Variants in MCM9 observed in about 807,000 individuals in gnomAD.
MCM9 encodes DNA helicase MCM9.
In MCM9, 55 loss-of-function variants were observed where a neutral mutation model predicts 72.8. The ratio of observed to expected loss-of-function variants is 0.76; its 90% CI spans 0.61 to 0.95. The LOEUF (loss-of-function observed/expected upper bound fraction) is 0.95, where lower values mean the gene tolerates loss of function less well. Among genes scored for constraint, MCM9 ranks in the 40% least tolerant of loss-of-function variants. The pLI, the probability that MCM9 is intolerant of heterozygous loss-of-function variation, is 0.00. For missense variants in MCM9, 1,279 were observed against 1,377.0 expected (o/e 0.93, Z 1.13); for synonymous variants, 480 against 503.4 (o/e 0.95, Z 0.62).
intron 13 of MCM9, among the ~76,000 whole-genome samples, chr6:118,822,746 C>A (rs1209805125): frequency 1.3e-5 from 2 of 152,320 alleles, no homozygotes; most frequent in East Asian, 1.9e-4. Context: ...CCCCCAGGTG[C>A]TCTGTCCCAG....
chr6:118,826,385 C>A (rs1206891016), intron 12 of MCM9, 93 bp from the exon 13 acceptor site: 6 of 1,322,030 alleles, frequency 4.5e-6, no homozygotes, highest in Non-Finnish European at 6.1e-6. Flanking sequence ...GGGGCTAAGA[C>A]CGCCGTTTAC....
chr6:118,931,434 T>C lies in MCM9; in HGVS notation c.290A>G (p.His97Arg). ...PEAVSMKQNL[H>R]ARISGLPVCP... ...AAGTGATTTACCTGATATCCTGGCA[T>C]GAAGATTCTGTTTCATGGAAACAGC... Residue 97 changes from histidine to arginine, a missense_variant, in exon 3 of 14, where the codon CAT becomes CGT. Physicochemically the swap from His to Arg is conservative, Grantham distance 29. Transcript: ENST00000619706. 6.2e-7 allele frequency: 1 copy of C among 1,610,142 alleles called. No individual in the cohort carries two copies. Among genetic ancestry groups the C allele is most frequent in the Non-Finnish European group, 8.5e-7 (1 of 1,176,564 alleles).
chr6:118,846,181 T>C (rs980748088), intron 9 of MCM9, among the ~76,000 whole-genome samples: 3 of 151,946 alleles, frequency 2.0e-5, no homozygotes, highest in Non-Finnish European at 4.4e-5. Context: ...ATAGCCATAC[T>C]TCAACATATC....
At chr6:118,823,290 C>T (rs748934889) in intron 13 of MCM9, among the ~76,000 whole-genome samples, 15 of 152,148 alleles carry the variant, frequency 9.9e-5, no homozygotes, top group Admixed American at 2.0e-4. Context: ...ATGGGAAAAG[C>T]GTAGTATCCA....
chr6:118,858,075 C>A (rs1364315217), intron 8 of MCM9, among the ~76,000 whole-genome samples: 4 of 152,040 alleles, frequency 2.6e-5, no homozygotes, highest in Non-Finnish European at 1.5e-5. Context: ...TATAAGAAAC[C>A]TATAGACTAG....
chr6:118,840,175 T>A (rs1325686054), intron 9 of MCM9, among the ~76,000 whole-genome samples: 4 of 151,018 alleles, frequency 2.6e-5, no homozygotes, highest in African/African-American at 4.9e-5. Flanking sequence ...TGTTATTTTT[T>A]TTTTTTTCTC....
chr6:118,867,575 T>C (rs1191824341), intron 8 of MCM9, among the ~76,000 whole-genome samples: 1 of 152,196 alleles, frequency 6.6e-6, no homozygotes, highest in East Asian at 1.9e-4. Context: ...TATGTTTAGA[T>C]ACACAATTAC....
intron 8 of MCM9, among the ~76,000 whole-genome samples, chr6:118,869,599 C>CCAAAAAAAAA (rs776414465): frequency 3.4e-5 from 2 of 58,304 alleles, no homozygotes; most frequent in Non-Finnish European, 6.6e-5. Flanking sequence ...AAAGGATTTA[C>CCAAAAAAAAA]AAAAAAAAAA....
Position 118,847,436 on chromosome 6 carries a change from AAAAAG to A in MCM9, c.1325+8930_1325+8934del, listed in dbSNP as rs1417680989. Among the ~76,000 whole-genome samples the A allele has an allele frequency of 4.6e-5, 7 of 151,042 alleles. No individual in the cohort carries two copies. In the East Asian group the frequency reaches 7.7e-4, roughly 17 times the overall value. On this transcript the variant is annotated intron_variant, in intron 9 of 13. Coordinates refer to ENST00000619706, the MANE Select transcript of MCM9 (RefSeq NM_017696.3). Reference sequence around the variant, plus strand: ...CCATGAATCTTCAAAAAAAAAAAAAAAAAAGAAATTAACATTTGAATCTAAGGTGT... The same window carrying A: ...CCATGAATCTTCAAAAAAAAAAAAAAAAATTAACATTTGAATCTAAGGTGT...
At chr6:118,870,824 C>A (rs1193687116) in intron 8 of MCM9, among the ~76,000 whole-genome samples, 3 of 151,910 alleles carry the variant, frequency 2.0e-5, no homozygotes, top group South Asian at 2.1e-4. Context: ...CTACTCTGAA[C>A]AATTACATGC....
intron 8 of MCM9, among the ~76,000 whole-genome samples, chr6:118,863,698 TA>T (rs1777042598): frequency 6.6e-6 from 1 of 152,152 alleles, no homozygotes. Flanking sequence ...TTAGTGGCTT[TA>T]AAAGAGAAGT....
chr6:118,814,943 GAA>G lies in MCM9; in HGVS notation c.3311_3312del (p.Phe1104SerfsTer24). On this transcript the variant is annotated frameshift_variant, in exon 14 of 14. Transcript: ENST00000619706. LOFTEE classifies it low-confidence loss of function (END_TRUNC). ...AGTTTCTCGGTGGACCCACGGAGCT[GAA>G]AAGATTTCCTTTTACTGACACGCAT... is the stretch of plus-strand genomic sequence containing the variant. ...APMRVSKRKS[F>X]QLRGSTEKLI... 6.5e-7 allele frequency: 1 copy of G among 1,549,026 alleles called. No individual in the cohort carries two copies. Among genetic ancestry groups the G allele is most frequent in the Non-Finnish European group, 8.7e-7 (1 of 1,146,302 alleles).
In MCM9 at chr6:118,829,216, G is replaced by A. The variant is rs1466691102; in HGVS notation, c.1360C>T (p.Leu454=). Residue 454 remains leucine, a synonymous_variant, in exon 10 of 14, where the codon CTG becomes TTG. Coordinates refer to ENST00000619706, the MANE Select transcript of MCM9 (RefSeq NM_017696.3). ...VCKLNTRTTI[L]AATNPKGQYD... is the part of the protein sequence containing the mutation. ...TGGCCTTTGGGGTTCGTTGCTGCCA[G>A]GATGGTGGTCCTTGTGTTCAGCTTG... The A allele has an allele frequency of 6.4e-7, 1 of 1,550,446 alleles. No individual in the cohort carries two copies. Among genetic ancestry groups the A allele is most frequent in the Admixed American group, 2.0e-5 (1 of 50,966 alleles).
chr6:118,865,221 C>T (rs1777144097), intron 8 of MCM9, among the ~76,000 whole-genome samples: 2 of 151,708 alleles, frequency 1.3e-5, no homozygotes, highest in Admixed American at 1.3e-4. Flanking sequence ...GAAAAAAGTG[C>T]CAGTTTTATA....
intron 8 of MCM9, among the ~76,000 whole-genome samples, chr6:118,896,101 T>G (rs562594252): frequency 3.3e-4 from 50 of 151,344 alleles, no homozygotes; most frequent in Non-Finnish European, 6.5e-4. Flanking sequence ...ATAGGGCAAA[T>G]TTTGAAAGAT....
At chr6:118,912,449 T>C (rs1475098822) in intron 7 of MCM9, 1 of 152,226 alleles carries the variant, frequency 6.6e-6, no homozygotes, top group South Asian at 2.1e-4. Flanking sequence ...ATGGTACATA[T>C]GATTTCACTG....
chr6:118,874,488 T>G (rs971609093), intron 8 of MCM9, among the ~76,000 whole-genome samples: 2 of 152,156 alleles, frequency 1.3e-5, no homozygotes, highest in African/African-American at 4.8e-5. Flanking sequence ...TCAAAGGTAA[T>G]GGTAAGAAAC....
intron 8 of MCM9, among the ~76,000 whole-genome samples, chr6:118,865,365 A>C (rs1777152346): frequency 6.6e-6 from 1 of 152,158 alleles, no homozygotes; most frequent in Admixed American, 6.5e-5. Flanking sequence ...ACCTCCCTAA[A>C]TATTCCCTCT....
chr6:118,849,061 G>A (rs1325083858), intron 9 of MCM9, among the ~76,000 whole-genome samples: 1 of 151,746 alleles, frequency 6.6e-6, no homozygotes, highest in Non-Finnish European at 1.5e-5. Context: ...AAGATTTTTC[G>A]ATTGTTCATA....
Sources: gnomAD v4.1 joint callset for allele counts (sites outside exome capture counted in the v4.1 genomes callset) on GRCh38, gnomAD v4.1.1 for gene constraint, MANE v1.5 for transcripts, NCBI Gene and HGNC (gene_info 2026-07-23, HGNC 2026-07-21) for gene names.